Variants in BAIAP3 observed in about 807,000 individuals in gnomAD.
The protein encoded by BAIAP3 is BAI1-associated protein 3.
Under a neutral mutation model 149.7 loss-of-function variants are expected in BAIAP3, and 180 were observed. The ratio of observed to expected loss-of-function variants is 1.20; its 90% confidence interval spans 1.07 to 1.36. The LOEUF is 1.36. Among genes scored for constraint, BAIAP3 ranks in the 40% most tolerant of loss-of-function variants. The pLI, the probability that BAIAP3 is intolerant of heterozygous loss-of-function variation, is 0.00. For synonymous variants in BAIAP3, 845 were observed against 670.7 expected (o/e 1.26, Z -4.02); for missense variants, 1,767 against 1,563.4 (o/e 1.13, Z -2.20).
chr16:1,343,314 G>C (rs950008913), intron 14 of BAIAP3, 79 bp from the exon 15 acceptor site: 1 of 1,526,322 alleles, frequency 6.6e-7, no homozygotes, highest in Non-Finnish European at 8.8e-7. Flanking sequence ...GCAGAGAAAG[G>C]GGTAGTGCTG....
rs371035129 is a variant in BAIAP3, at chr16:1,342,764, C to G, written c.1111C>G (p.His371Asp). 1 of 1,612,490 alleles carries G rather than the reference C, an allele frequency of 6.2e-7. No homozygotes were observed. Among genetic ancestry groups the G allele is most frequent in the African/African-American group, 1.3e-5 (1 of 74,940 alleles). Residue 371 changes from histidine (H) to aspartate (D), a missense_variant, in exon 13 of 34, where the codon CAC (histidine) becomes GAC (aspartate). Coordinates refer to ENST00000426824, the MANE Select transcript of BAIAP3 (RefSeq NM_001199097.2). ...GCGCGGGCGATCCGGCTTCCTGTCC[C>G]ACCTGCTGCTGCTCAGCCATCTGCT... The part of the protein sequence containing the change: ...SQRGRSGFLS[H>D]LLLLSHLLRL...
Position 1,347,528 on chromosome 16 carries a change from T to C in BAIAP3, c.2824-17T>C. 1.3e-6 allele frequency: 2 copies of C among 1,593,056 alleles called. No homozygotes were observed. Among genetic ancestry groups the C allele is most frequent in the East Asian group, 2.3e-5 (1 of 43,532 alleles). On this transcript the variant is annotated splice_polypyrimidine_tract_variant and intron_variant, in intron 29 of 33. Coordinates refer to ENST00000426824, the MANE Select transcript of BAIAP3 (RefSeq NM_001199097.2). ...ACCAGCACCCAGGGGCCCCTCCTGA[T>C]GCGCTTCCCCCTGCAGAGGCTGAAG...
At chr16:1,334,530 C>T (rs1387548386) in intron 1 of BAIAP3, 2 of 742,844 alleles carry the variant, frequency 2.7e-6, no homozygotes, top group Non-Finnish European at 2.2e-6. Flanking sequence ...AGGAAGAAGG[C>T]GCCTCGGGCT....
At position 1,341,485 on chromosome 16, in the gene BAIAP3, C is replaced by G; in HGVS notation, c.727C>G (p.Leu243Val). Reference sequence around the variant, plus strand: ...GAACCCCGTCTGGAAGGAGCACTTCCTCTTGTGAGGCCCTCGCCCGTCTGG... The same window carrying G: ...GAACCCCGTCTGGAAGGAGCACTTCGTCTTGTGAGGCCCTCGCCCGTCTGG... ...TLNPVWKEHF[L>V]FEIEDVSTDQ... Residue 243 changes from leucine (L) to valine (V), a missense_variant, in exon 8 of 34, where the codon CTC (leucine) becomes GTC (valine). Physicochemically the swap from Leu to Val is conservative, Grantham distance 32 (BLOSUM62 1). Coordinates refer to ENST00000426824, the MANE Select transcript of BAIAP3 (RefSeq NM_001199097.2). 4 of 1,607,626 alleles carry G rather than the reference C, an allele frequency of 2.5e-6. No individual in the cohort carries two copies. The highest frequency in any genetic ancestry group is 3.4e-6 in the Non-Finnish European group (4 of 1,176,236).
chr16:1,344,255 CCCT>C lies in BAIAP3; in HGVS notation c.1544_1546del (p.Ser515del). 6.2e-7 allele frequency: 1 copy of C among 1,613,718 alleles called. No homozygotes were observed. The highest frequency in any genetic ancestry group is 8.5e-7 in the Non-Finnish European group (1 of 1,179,982). ...TCTGGGCAAGCTGCAGCTCTTCCAA[CCCT>C]CCTTTGAGATCTGCCCCTTCGAGTC... On this transcript the variant is annotated inframe_deletion, in exon 17 of 34. Transcript: ENST00000426824.
At chr16:1,341,631 C>T in intron 8 of BAIAP3, 142 bp downstream of exon 8, 6 of 1,276,422 alleles carry the variant, frequency 4.7e-6, no homozygotes, top group Non-Finnish European at 6.5e-6. Flanking sequence ...AAAACTGAGG[C>T]CCAGAGATGG....
At position 1,342,522 on chromosome 16, in the gene BAIAP3, C is replaced by T. The variant is rs1179039459; in HGVS notation, c.958-5C>T. On this transcript the variant is annotated splice_region_variant and splice_polypyrimidine_tract_variant and intron_variant, in intron 11 of 33. Transcript: ENST00000426824. Reference sequence around the variant, plus strand: ...TGGTGGGCCTGACCCCCATGCTACCCCCAGGAGGTGCCTGTGGCTGGCGTC... The same window carrying T: ...TGGTGGGCCTGACCCCCATGCTACCTCCAGGAGGTGCCTGTGGCTGGCGTC... 4.5e-6 allele frequency: 7 copies of T among 1,551,384 alleles called. No homozygotes were observed. The Admixed American group carries it at 9.8e-5, about 22-fold the overall frequency.
In BAIAP3 at chr16:1,341,208, C is replaced by A; in HGVS notation, c.535+13C>A. On this transcript the variant is annotated intron_variant, in intron 7 of 33. Coordinates refer to ENST00000426824, the MANE Select transcript of BAIAP3 (RefSeq NM_001199097.2). ...AAGGACCCCAACGGTGAGTGGGGACCCAGCAGACCTCGGCTGCGCCGAGGC... is the reference window on the plus strand; with the variant it reads ...AAGGACCCCAACGGTGAGTGGGGACACAGCAGACCTCGGCTGCGCCGAGGC... The A allele has an allele frequency of 6.2e-7, 1 of 1,611,300 alleles. No homozygotes were observed. Among genetic ancestry groups the A allele is most frequent in the Admixed American group, 1.7e-5 (1 of 59,708 alleles).
chr16:1,341,655 G>A (rs558161311), intron 8 of BAIAP3, among the ~76,000 whole-genome samples, 166 bp downstream of exon 8: 1 of 152,356 alleles, frequency 6.6e-6, no homozygotes, highest in East Asian at 1.9e-4. Flanking sequence ...TTGTGCCACC[G>A]GGGCCACACG....
At chr16:1,343,081 G>A in intron 14 of BAIAP3, 65 bp downstream of exon 14, 1 of 1,477,300 alleles carries the variant, frequency 6.8e-7, no homozygotes, top group Non-Finnish European at 9.2e-7. Context: ...GGGCATCGGG[G>A]GCCATGCGGT....
chr16:1,344,135 G>A lies in BAIAP3; in HGVS notation c.1500G>A (p.Glu500=). 6.2e-7 allele frequency: 1 copy of A among 1,612,006 alleles called. No homozygotes were observed. The highest frequency in any genetic ancestry group is 8.5e-7 in the Non-Finnish European group (1 of 1,179,796). ...ATNSTAVHRL[E]LLLKCLGKLQ... is the part of the protein sequence containing the mutation. ...ACAGCACCGCTGTCCACCGCCTGGA[G>A]CTGCTGCTGAAGTGGGTGCAGCGCC... The change falls in exon 16 of 34, where the codon GAG becomes GAA. Residue 500 remains glutamate (E), a synonymous_variant. Transcript: ENST00000426824.
chr16:1,343,293 G>T, intron 14 of BAIAP3, 100 bp from the exon 15 acceptor site: 1 of 1,488,684 alleles, frequency 6.7e-7, no homozygotes, highest in South Asian at 1.3e-5. Context: ...CGGCAGTGCT[G>T]ATTGGGTGGG....
chr16:1,348,800 G>C lies in BAIAP3; in HGVS notation c.*318G>C. On this transcript the variant is annotated 3_prime_UTR_variant, in exon 34 of 34. Transcript: ENST00000426824. Reference sequence around the variant, plus strand: ...CCTGCCCGCTTCCTTGGGCTCCCCGGCCCTGGGTGGGCGGTGGGCAGCTGG... The same window carrying C: ...CCTGCCCGCTTCCTTGGGCTCCCCGCCCCTGGGTGGGCGGTGGGCAGCTGG... 1 of 481,864 alleles carries C rather than the reference G, an allele frequency of 2.1e-6. No homozygotes were observed. Among genetic ancestry groups the C allele is most frequent in the South Asian group, 2.5e-5 (1 of 39,448 alleles). 29.8% of individuals were successfully genotyped at this position (481,864 alleles called of 1,614,324 possible).
intron 30 of BAIAP3, 23 bp downstream of exon 30, chr16:1,347,648 G>T: frequency 6.2e-7 from 1 of 1,612,950 alleles, no homozygotes; most frequent in Non-Finnish European, 8.5e-7. Context: ...CAGGGACAGG[G>T]TGCTGCCTCC....
At chr16:1,335,462 C>G (rs527694422) in intron 1 of BAIAP3, among the ~76,000 whole-genome samples, 3 of 151,948 alleles carry the variant, frequency 2.0e-5, no homozygotes, top group Non-Finnish European at 2.9e-5. Context: ...ACGGGAAAGA[C>G]GGGGGGTCCC....
intron 5 of BAIAP3, 27 bp from the exon 6 acceptor site, chr16:1,340,895 C>T: frequency 6.4e-7 from 1 of 1,556,198 alleles, no homozygotes; most frequent in South Asian, 1.2e-5. Flanking sequence ...GTTGCCTAGG[C>T]CCTGCCAACC....
In BAIAP3 at chr16:1,349,284, CAG is replaced by C. The variant is rs1418302468; in HGVS notation, c.*805_*806del. Reference sequence around the variant, plus strand: ...TTTGCGAGAGCGCCGAGGCAGGACACAGAGCACAGCTGTGCTGGAAGTGTGGG... The same window carrying C: ...TTTGCGAGAGCGCCGAGGCAGGACACAGCACAGCTGTGCTGGAAGTGTGGG... On this transcript the variant is annotated 3_prime_UTR_variant, in exon 34 of 34. Transcript: ENST00000426824. 1.2e-6 allele frequency: 1 copy of C among 844,544 alleles called. No individual in the cohort carries two copies. Among genetic ancestry groups the C allele is most frequent in the Non-Finnish European group, 2.0e-6 (1 of 510,174 alleles). The allele number at this position is 844,544 out of a possible 1,614,324, so 52.3% of individuals were successfully genotyped here.
rs547176022 is a variant in BAIAP3 at position 1,347,981 on chromosome 16, G to A, written c.3113G>A (p.Arg1038Gln). 51 of 1,611,310 alleles carry A rather than the reference G, an allele frequency of 3.2e-5. No individual in the cohort carries two copies. Among genetic ancestry groups the A allele is most frequent in the Admixed American group, 6.7e-5 (4 of 60,032 alleles). ...AGCCAGAGGACCCAGGTGAAGACCC[G>A]GACGCTGCACCCTGTATACGACGAA... ...VRSQRTQVKT[R>Q]TLHPVYDELF... The change falls in exon 32 of 34, where the codon CGG becomes CAG. Residue 1038 changes from arginine (R) to glutamine (Q), a missense_variant. Arg to Gln is a conservative substitution (Grantham distance 43, BLOSUM62 1). Coordinates refer to ENST00000426824, the MANE Select transcript of BAIAP3 (RefSeq NM_001199097.2).
intron 1 of BAIAP3, among the ~76,000 whole-genome samples, chr16:1,337,680 C>T (rs1159682424): frequency 6.6e-6 from 1 of 152,244 alleles, no homozygotes; most frequent in Non-Finnish European, 1.5e-5. Context: ...GCTGCTGCTG[C>T]TGCTGCTGCT....
Sources: allele counts gnomAD v4.1 joint callset (sites outside exome capture counted in the v4.1 genomes callset), GRCh38; gene constraint gnomAD v4.1.1; transcripts MANE v1.5; gene names NCBI Gene and HGNC (gene_info 2026-07-23, HGNC 2026-07-21).